Variants in ALDH2 observed in about 807,000 individuals in gnomAD.
The protein encoded by ALDH2 is aldehyde dehydrogenase 2 family member, also known as aldehyde dehydrogenase, mitochondrial.
A neutral mutation model predicts 59.6 loss-of-function variants in ALDH2; 44 were observed. The observed-to-expected ratio is 0.74, with a 90% confidence interval of 0.58 to 0.95. The LOEUF (loss-of-function observed/expected upper bound fraction) is 0.95, where lower values mean the gene tolerates loss of function less well. Among genes scored for constraint, ALDH2 ranks in the 40% least tolerant of loss-of-function variants. The pLI, the probability that ALDH2 is intolerant of heterozygous loss-of-function variation, is 0.00. For synonymous variants in ALDH2, 291 were observed against 284.0 expected (o/e 1.02, Z -0.25); for missense variants, 570 against 696.3 (o/e 0.82, Z 2.04).
chr12:111,800,681 A>G (rs1204205986), intron 11 of ALDH2, among the ~76,000 whole-genome samples: 1 of 152,182 alleles, frequency 6.6e-6, no homozygotes, highest in Non-Finnish European at 1.5e-5. Flanking sequence ...AGTATTGGTA[A>G]GGATGTGGAG....
Position 111,790,431 on chromosome 12 carries a change from C to T in ALDH2, c.553-3C>T, listed in dbSNP as rs2068348867. 2 of 1,613,988 alleles carry T rather than the reference C, an allele frequency of 1.2e-6. No individual in the cohort carries two copies. Among genetic ancestry groups the T allele is most frequent in the Non-Finnish European group, 8.5e-7 (1 of 1,180,014 alleles). ...TTTCGAGGGCTGCTGTTGTTTGTTGCAGTGGAATTTCCCGCTCCTGATGCA... is the reference window on the plus strand; with the variant it reads ...TTTCGAGGGCTGCTGTTGTTTGTTGTAGTGGAATTTCCCGCTCCTGATGCA... On this transcript the variant is annotated splice_region_variant and splice_polypyrimidine_tract_variant and intron_variant, in intron 5 of 12. Transcript: ENST00000261733.
At chr12:111,792,196 AAG>A in intron 8 of ALDH2, 33 bp downstream of exon 8, 1 of 1,517,348 alleles carries the variant, frequency 6.6e-7, no homozygotes, top group Non-Finnish European at 9.0e-7. Flanking sequence ...CCTGGCCTTG[AAG>A]GTAGCCCTGG....
In ALDH2 at chr12:111,783,288, C is replaced by T. The variant is rs2068287072; in HGVS notation, c.350C>T (p.Thr117Ile). ...GCCGATCTGATCGAGCGGGACCGGA[C>T]CTACCTGGCGGTGAGTCCTCAGCCC... is the stretch of plus-strand genomic sequence containing the variant. ...RLADLIERDR[T>I]YLAALETLDN... The change falls in exon 3 of 13, where the codon ACC becomes ATC. Residue 117 changes from threonine (T) to isoleucine (I), a missense_variant. Thr to Ile is a moderately conservative substitution (Grantham distance 89). Transcript: ENST00000261733. 1 of 1,607,706 alleles carries T rather than the reference C, an allele frequency of 6.2e-7. No homozygotes were observed. The highest frequency in any genetic ancestry group is 8.5e-7 in the Non-Finnish European group (1 of 1,175,860).
chr12:111,784,626 T>C (rs903330067), intron 3 of ALDH2, among the ~76,000 whole-genome samples: 2 of 152,136 alleles, frequency 1.3e-5, no homozygotes, highest in Admixed American at 6.6e-5. Flanking sequence ...TTATTATTAT[T>C]ATTTTTTGAG....
chr12:111,785,873 G>A (rs1445442336), intron 4 of ALDH2, among the ~76,000 whole-genome samples: 1 of 152,208 alleles, frequency 6.6e-6, no homozygotes, highest in African/African-American at 2.4e-5. Context: ...TTGTTCTTGA[G>A]TCACTTTTGG....
At chr12:111,792,206 TGG>T in intron 8 of ALDH2, 43 bp downstream of exon 8, 1 of 1,427,118 alleles carries the variant, frequency 7.0e-7, no homozygotes, top group Non-Finnish European at 9.7e-7. Context: ...AAGGTAGCCC[TGG>T]CCACCTGTGT....
At chr12:111,800,848 C>A (rs2068446291) in intron 11 of ALDH2, among the ~76,000 whole-genome samples, 1 of 152,016 alleles carries the variant, frequency 6.6e-6, no homozygotes, top group African/African-American at 2.4e-5. Context: ...AAAACGTGCT[C>A]CCACATAAAA....
At chr12:111,767,195 C>G (rs2136004187) in intron 1 of ALDH2, 99 bp downstream of exon 1, 1 of 995,304 alleles carries the variant, frequency 1.0e-6, no homozygotes, top group Non-Finnish European at 1.4e-6. Flanking sequence ...GTGTACTCAT[C>G]TGGGGCTCGA....
At chr12:111,794,354 G>T (rs2068386287) in intron 9 of ALDH2, among the ~76,000 whole-genome samples, 1 of 151,854 alleles carries the variant, frequency 6.6e-6, no homozygotes. Flanking sequence ...GCCTTTTCCA[G>T]ATTGTCTTAT....
rs1429723024 is a variant in ALDH2, at chr12:111,816,586, A to C, written c.*7011A>C. The C allele has an allele frequency of 6.6e-6, 1 of 152,222 alleles. No homozygotes were observed. Among genetic ancestry groups the C allele is most frequent in the Non-Finnish European group, 1.5e-5 (1 of 68,048 alleles). The allele number at this position is 152,222 out of a possible 1,614,324, so 9.4% of individuals were successfully genotyped here. On this transcript the variant is annotated 3_prime_UTR_variant, in exon 13 of 13. Coordinates refer to ENST00000261733, the MANE Select transcript of ALDH2 (RefSeq NM_000690.4). Reference sequence around the variant, plus strand: ...AGTTGGTCACAACCCATGGGCATTCAGCTCTCTACATTTCCCCCTTTCTGT... The same window carrying C: ...AGTTGGTCACAACCCATGGGCATTCCGCTCTCTACATTTCCCCCTTTCTGT...
At chr12:111,804,069 C>T (rs2136027211) in intron 12 of ALDH2, 96 bp downstream of exon 12, 1 of 824,768 alleles carries the variant, frequency 1.2e-6, no homozygotes, top group Non-Finnish European at 1.8e-6. Context: ...CTGTTGGGGG[C>T]TCGGGGCCTG....
rs371202367 is a variant in ALDH2, at chr12:111,780,258, TG to T, written c.115-1658del. ...TTCCTCTGAGCAAATGGAGGGGCTTTGGCTCTCTGACATTGGCCTCATGAGG... is the reference window on the plus strand; with the variant it reads ...TTCCTCTGAGCAAATGGAGGGGCTTTGCTCTCTGACATTGGCCTCATGAGG... On this transcript the variant is annotated intron_variant, in intron 1 of 12. Transcript: ENST00000261733. Among the ~76,000 whole-genome samples the T allele has an allele frequency of 4.4e-4, 67 of 152,318 alleles. No homozygotes were observed. The South Asian group carries it at 0.013, about 30-fold the overall frequency.
At chr12:111,769,818 G>C (rs2068186351) in intron 1 of ALDH2, among the ~76,000 whole-genome samples, 1 of 152,130 alleles carries the variant, frequency 6.6e-6, no homozygotes, top group African/African-American at 2.4e-5. Context: ...GCATACAGCA[G>C]TGGACTCTGC....
chr12:111,792,685 A>T lies in ALDH2; in HGVS notation c.986A>T (p.Glu329Val), dbSNP rs376029750. 1 of 1,607,988 alleles carries T rather than the reference A, an allele frequency of 6.2e-7. No homozygotes were observed. Among genetic ancestry groups the T allele is most frequent in the Non-Finnish European group, 8.5e-7 (1 of 1,177,690 alleles). ...CCAGSRTFVQEDIYDEFVERS... is the reference protein window; with the variant it reads ...CCAGSRTFVQVDIYDEFVERS... Reference sequence around the variant, plus strand: ...GCCGGCTCCCGGACCTTCGTGCAGGAGGACATCTATGATGAGTTTGTGGAG... The same window carrying T: ...GCCGGCTCCCGGACCTTCGTGCAGGTGGACATCTATGATGAGTTTGTGGAG... The change falls in exon 9 of 13, where the codon GAG (glutamate) becomes GTG (valine). Residue 329 changes from glutamate to valine, a missense_variant. Physicochemically the swap from Glu to Val is moderately radical, Grantham distance 121 (BLOSUM62 -2). Transcript: ENST00000261733.
At position 111,809,546 on chromosome 12, in the gene ALDH2, ACAGT is replaced by A. The variant is rs1462574732; in HGVS notation, c.1528_1531del (p.Val510LysfsTer37). On this transcript the variant is annotated frameshift_variant, in exon 13 of 13. Transcript: ENST00000261733. LOFTEE classifies it high-confidence loss of function. ...GGCTTCTCTGTCCCCCTTACAGGTC[ACAGT>A]CAAAGTGCCTCAGAAGAACTCATAA... 26 of 1,614,094 alleles carry A rather than the reference ACAGT, an allele frequency of 1.6e-5. No homozygotes were observed. Among genetic ancestry groups the A allele is most frequent in the Non-Finnish European group, 2.0e-5 (24 of 1,180,034 alleles).
intron 1 of ALDH2, 63 bp from the exon 2 acceptor site, chr12:111,781,855 A>G: frequency 8.2e-7 from 1 of 1,224,206 alleles, no homozygotes; most frequent in East Asian, 2.4e-5. Context: ...TTTTCCTTAC[A>G]ATACTGGTAG....
intron 10 of ALDH2, among the ~76,000 whole-genome samples, chr12:111,799,541 TCAAGCAGTTC>T (rs1324863007): frequency 3.4e-5 from 5 of 147,652 alleles, no homozygotes; most frequent in Admixed American, 6.7e-5. Flanking sequence ...ACTCCTAGAC[TCAAGCAGTTC>T]TCCCACCTTG....
intron 1 of ALDH2, among the ~76,000 whole-genome samples, chr12:111,780,181 C>T (rs1303152378): frequency 1.3e-5 from 2 of 152,154 alleles, no homozygotes; most frequent in East Asian, 1.9e-4. Context: ...GCATGAACAC[C>T]GCACGCAGCC....
chr12:111,802,411 C>CAAAA (rs58247934), intron 11 of ALDH2, among the ~76,000 whole-genome samples: 1 of 86,616 alleles, frequency 1.2e-5, no homozygotes, highest in Non-Finnish European at 2.6e-5. Context: ...GACTCTGTCT[C>CAAAA]AAAAAAAAAA....
Sources: allele counts gnomAD v4.1 joint callset (sites outside exome capture counted in the v4.1 genomes callset), GRCh38; gene constraint gnomAD v4.1.1; transcripts MANE v1.5; gene names NCBI Gene and HGNC (gene_info 2026-07-23, HGNC 2026-07-21).